Variants in PRPS2 observed in about 807,000 individuals in gnomAD.
The protein encoded by PRPS2 is phosphoribosyl pyrophosphate synthetase 2, also known as ribose-phosphate pyrophosphokinase 2.
For synonymous variants in PRPS2, 111 were observed against 115.3 expected (o/e 0.96, Z 0.24); for missense variants, 104 against 271.5 (o/e 0.38, Z 4.34).
At chrX:12,821,888 A>G (rs1233978337) in intron 6 of PRPS2, among the ~76,000 whole-genome samples, 2 of 112,450 alleles carry the variant, frequency 1.8e-5, no homozygotes, top group African/African-American at 6.5e-5. Context: ...TTTTGCCTCT[A>G]TGTCGCTGTG....
At chrX:12,811,547 C>G (rs2042624175) in intron 4 of PRPS2, among the ~76,000 whole-genome samples, 1 of 111,355 alleles carries the variant, frequency 9.0e-6, no homozygotes, top group Non-Finnish European at 1.9e-5. Context: ...AGGTAGAGAC[C>G]TCCATAAGGG....
rs1433843927 is a variant in PRPS2, at chrX:12,824,181, C to T, written c.*1385C>T. The T allele has an allele frequency of 8.9e-6, 1 of 112,819 alleles. No individual in the cohort carries two copies. Among genetic ancestry groups the T allele is most frequent in the Non-Finnish European group, 1.9e-5 (1 of 53,356 alleles). The allele number at this position is 112,819 out of a possible 1,213,427, so 9.3% of individuals were successfully genotyped here. On this transcript the variant is annotated 3_prime_UTR_variant, in exon 7 of 7. Coordinates refer to ENST00000380668, the MANE Select transcript of PRPS2 (RefSeq NM_002765.5). ...TGTAAGATTTTAAGATCCTCTAACA[C>T]TGTACTAAAACATTTCAATAAAATC... is the stretch of plus-strand genomic sequence containing the variant.
In PRPS2 at chrX:12,820,743, T is replaced by A; in HGVS notation, c.804T>A (p.Ala268=). 8.3e-7 allele frequency: 1 copy of A among 1,211,776 alleles called. No homozygotes were observed. Among genetic ancestry groups the A allele is most frequent in the Non-Finnish European group, 1.1e-6 (1 of 895,573 alleles). The change falls in exon 6 of 7, where the codon GCT becomes GCA. Residue 268 remains alanine, a synonymous_variant. Transcript: ENST00000380668. ...GAATAAATAATGCCGCCTTTGAGGC[T>A]GTTGTCGTCACAAACACAATTCCGC... ...ISRINNAAFE[A]VVVTNTIPQE...
At chrX:12,817,722 TAAAG>T (rs973152381) in intron 4 of PRPS2, among the ~76,000 whole-genome samples, 2 of 111,696 alleles carry the variant, frequency 1.8e-5, no homozygotes, top group East Asian at 2.8e-4. Context: ...TATTCAGACT[TAAAG>T]AGAGATGAAG....
chrX:12,805,614 G>T (rs2147218006), intron 2 of PRPS2, among the ~76,000 whole-genome samples: 1 of 112,160 alleles, frequency 8.9e-6, no homozygotes, highest in African/African-American at 3.2e-5. Flanking sequence ...ACAAAATATT[G>T]TTCTTCTTTT....
chrX:12,804,791 C>T (rs748937184), intron 2 of PRPS2, among the ~76,000 whole-genome samples: 2 of 111,573 alleles, frequency 1.8e-5, no homozygotes, highest in Non-Finnish European at 3.8e-5. Context: ...TACACTTGAT[C>T]TCTCATCCCA....
intron 2 of PRPS2, among the ~76,000 whole-genome samples, chrX:12,800,081 G>A (rs1270959325): frequency 8.9e-6 from 1 of 112,172 alleles, no homozygotes; most frequent in Non-Finnish European, 1.9e-5. Context: ...AACTTTGAAG[G>A]AGATTGTATT....
intron 4 of PRPS2, among the ~76,000 whole-genome samples, chrX:12,810,862 AAAG>A (rs1327296493): frequency 0.016 from 1,778 of 109,969 alleles, 41 homozygotes; most frequent in African/African-American, 0.053. Flanking sequence ...AAAAAAAAAA[AAAG>A]AAGAAGAAGA....
intron 2 of PRPS2, among the ~76,000 whole-genome samples, chrX:12,806,302 T>A (rs1174277206): frequency 2.7e-5 from 3 of 112,335 alleles, no homozygotes; most frequent in African/African-American, 9.7e-5. Flanking sequence ...GTAATTTTTT[T>A]AAAAGCCTGT....
At chrX:12,811,395 A>G (rs1165362192) in intron 4 of PRPS2, among the ~76,000 whole-genome samples, 2 of 111,727 alleles carry the variant, frequency 1.8e-5, no homozygotes, top group Non-Finnish European at 3.8e-5. Context: ...TTAACAAGCA[A>G]TCAGGGTACA....
In PRPS2 at chrX:12,806,169, T is replaced by G. The variant is rs777803335; in HGVS notation, c.307-3065T>G. On this transcript the variant is annotated intron_variant, in intron 2 of 6. Transcript: ENST00000380668. ...AAAGGACTTGTAGTTTGGGGATTTC[T>G]TTTTTCTTTTTTCAAAATCATTTTC... Among the ~76,000 whole-genome samples the G allele has an allele frequency of 2.7e-5, 3 of 112,368 alleles. No individual in the cohort carries two copies. The South Asian group carries it at 1.1e-3, about 41-fold the overall frequency.
At chrX:12,811,797 G>T (rs2042625314) in intron 4 of PRPS2, among the ~76,000 whole-genome samples, 1 of 111,968 alleles carries the variant, frequency 8.9e-6, no homozygotes, top group Non-Finnish European at 1.9e-5. Context: ...GGAAACACAG[G>T]CCCTGATTCT....
intron 4 of PRPS2, among the ~76,000 whole-genome samples, chrX:12,818,856 T>G (rs1175367374): frequency 1.8e-5 from 2 of 110,473 alleles, no homozygotes; most frequent in Non-Finnish European, 3.8e-5. Flanking sequence ...CAGCTCCTCC[T>G]GAGCTAGTGA....
intron 4 of PRPS2, among the ~76,000 whole-genome samples, chrX:12,811,190 C>T (rs1228955247): frequency 8.9e-6 from 1 of 112,460 alleles, no homozygotes; most frequent in Non-Finnish European, 1.9e-5. Flanking sequence ...GACAACAGGG[C>T]AGCAGGCAGC....
At chrX:12,794,389 A>G (rs1161722700) in intron 1 of PRPS2, among the ~76,000 whole-genome samples, 2 of 111,813 alleles carry the variant, frequency 1.8e-5, no homozygotes, top group Non-Finnish European at 3.8e-5. Flanking sequence ...TCCAAAAGAC[A>G]GGACATTGAA....
intron 1 of PRPS2, among the ~76,000 whole-genome samples, chrX:12,792,458 T>C (rs2042524694): frequency 8.9e-6 from 1 of 111,986 alleles, no homozygotes; most frequent in South Asian, 3.7e-4. Flanking sequence ...CACCCATTTC[T>C]CAAGTCCAGG....
chrX:12,805,601 G>A (rs1037003415), intron 2 of PRPS2, among the ~76,000 whole-genome samples: 1 of 112,324 alleles, frequency 8.9e-6, no homozygotes, highest in African/African-American at 3.2e-5. Context: ...ATCTTCAGAT[G>A]TCACAAAATA....
intron 4 of PRPS2, among the ~76,000 whole-genome samples, chrX:12,816,049 G>A (rs917032882): frequency 8.9e-6 from 1 of 111,813 alleles, no homozygotes; most frequent in Non-Finnish European, 1.9e-5. Context: ...AGCTAGACAA[G>A]TTTACAAACA....
At chrX:12,819,129 G>T (rs1051170894) in intron 4 of PRPS2, among the ~76,000 whole-genome samples, 3 of 112,629 alleles carry the variant, frequency 2.7e-5, no homozygotes, top group African/African-American at 9.7e-5. Flanking sequence ...CAGGACTTTT[G>T]TCCCCACTAT....
Sources: gnomAD v4.1 joint callset for allele counts (sites outside exome capture counted in the v4.1 genomes callset) on GRCh38, gnomAD v4.1.1 for gene constraint, MANE v1.5 for transcripts, NCBI Gene and HGNC (gene_info 2026-07-23, HGNC 2026-07-21) for gene names.